Variants in FMNL2 observed in about 807,000 individuals in gnomAD.
FMNL2 encodes the protein formin-like protein 2.
A neutral mutation model predicts 130.2 loss-of-function variants in FMNL2; 51 were observed. The ratio of observed to expected loss-of-function variants is 0.39; its 90% CI spans 0.31 to 0.49. The LOEUF is 0.49. FMNL2 is among the 20% of genes least tolerant of loss of function. FMNL2 has a pLI of 0.85. For missense variants in FMNL2, 977 were observed against 1,316.2 expected, an observed-to-expected ratio of 0.74 and a Z score of 3.99; for synonymous variants, 465 against 467.1, an observed-to-expected ratio of 1.00 and a Z score of 0.06.
intron 25 of FMNL2, among the ~76,000 whole-genome samples, chr2:152,647,438 T>C (rs561888898): frequency 6.6e-6 from 1 of 152,324 alleles, no homozygotes; most frequent in East Asian, 1.9e-4. Context: ...AGTTACTATT[T>C]ATTCATTCAG....
intron 1 of FMNL2, among the ~76,000 whole-genome samples, chr2:152,479,887 T>C (rs1478133016): frequency 7.3e-6 from 1 of 137,396 alleles, no homozygotes; most frequent in Non-Finnish European, 1.7e-5. Flanking sequence ...ATTTTTTGTC[T>C]TTTTTTTTGG....
At chr2:152,588,239 C>G (rs1697194331) in intron 9 of FMNL2, among the ~76,000 whole-genome samples, 1 of 152,232 alleles carries the variant, frequency 6.6e-6, no homozygotes, top group Non-Finnish European at 1.5e-5. Flanking sequence ...CTTCCAGAGG[C>G]CACTTAGATT....
intron 4 of FMNL2, among the ~76,000 whole-genome samples, chr2:152,552,310 A>G (rs946702312): frequency 1.3e-5 from 2 of 152,190 alleles, no homozygotes; most frequent in East Asian, 3.8e-4. Flanking sequence ...TACATCTCTT[A>G]TATATATCTC....
intron 1 of FMNL2, among the ~76,000 whole-genome samples, chr2:152,396,766 G>A (rs985101432): frequency 1.3e-5 from 2 of 152,030 alleles, no homozygotes; most frequent in African/African-American, 2.4e-5. Flanking sequence ...ATGTTCTTTT[G>A]TCTTAAATTC....
In FMNL2 at chr2:152,603,622, C is replaced by T. The variant is rs186621544; in HGVS notation, c.877-3717C>T. ...GTGTTGCTTGTTCTATATTTGATGC[C>T]ATCTTTTAAAGTAACAGGCTATGAG... On this transcript the variant is annotated intron_variant, in intron 9 of 25. Coordinates refer to ENST00000288670, the MANE Select transcript of FMNL2 (RefSeq NM_052905.4). Among the ~76,000 whole-genome samples the T allele has an allele frequency of 3.3e-5, 5 of 150,834 alleles. 1 individual carries two copies. Among genetic ancestry groups the T allele is most frequent in the Non-Finnish European group, 7.4e-5 (5 of 67,704 alleles).
chr2:152,583,307 G>A (rs1053475900), intron 9 of FMNL2, among the ~76,000 whole-genome samples: 1 of 152,212 alleles, frequency 6.6e-6, no homozygotes, highest in African/African-American at 2.4e-5. Context: ...TGGGCTAGGG[G>A]AGGTCCTCAA....
intron 1 of FMNL2, among the ~76,000 whole-genome samples, chr2:152,362,317 G>GA (rs1339432718): frequency 1.3e-5 from 2 of 152,096 alleles, no homozygotes; most frequent in Non-Finnish European, 2.9e-5. Context: ...AAAGAGTGGT[G>GA]AAAAATAACA....
chr2:152,394,813 A>G (rs1486515163), intron 1 of FMNL2, among the ~76,000 whole-genome samples: 1 of 152,106 alleles, frequency 6.6e-6, no homozygotes, highest in African/African-American at 2.4e-5. Flanking sequence ...AGATTGGACA[A>G]GAACGATCTT....
rs559803169 is a variant in FMNL2 at position 152,572,799 on chromosome 2, T to G, written c.597-2337T>G. Among the ~76,000 whole-genome samples, 9 of 152,150 alleles carry G rather than the reference T, an allele frequency of 5.9e-5. No individual in the cohort carries two copies. The East Asian group carries it at 7.7e-4, about 13-fold the overall frequency. On this transcript the variant is annotated intron_variant, in intron 6 of 25. Transcript: ENST00000288670. ...TGGAGCTGAATTCAAAACCTGTTTT[T>G]TTTTTTTTTTAAAGTAGTCATTTAC...
chr2:152,603,250 G>T (rs1352427569), intron 9 of FMNL2, among the ~76,000 whole-genome samples: 2 of 152,074 alleles, frequency 1.3e-5, no homozygotes, highest in Non-Finnish European at 2.9e-5. Context: ...TGGTAGTAGG[G>T]GTCCTTCTAG....
intron 7 of FMNL2, 50 bp downstream of exon 7, chr2:152,575,294 T>G: frequency 1.6e-6 from 2 of 1,267,662 alleles, no homozygotes; most frequent in Non-Finnish European, 2.2e-6. Context: ...TTAATCAGAC[T>G]CAGAAATGAC....
chr2:152,572,797 T>G (rs977852598), intron 6 of FMNL2, among the ~76,000 whole-genome samples: 1 of 150,692 alleles, frequency 6.6e-6, no homozygotes, highest in Admixed American at 6.6e-5. Flanking sequence ...AAAACCTGTT[T>G]TTTTTTTTTT....
chr2:152,580,504 T>G (rs1696723120), intron 8 of FMNL2, among the ~76,000 whole-genome samples: 1 of 152,224 alleles, frequency 6.6e-6, no homozygotes, highest in Non-Finnish European at 1.5e-5. Context: ...ATTTGAAATG[T>G]AGAACATGAG....
chr2:152,403,133 A>G (rs949631793), intron 1 of FMNL2, among the ~76,000 whole-genome samples: 1 of 151,154 alleles, frequency 6.6e-6, no homozygotes, highest in African/African-American at 2.4e-5. Context: ...GTAAAGTGCC[A>G]TTTTCATCAC....
intron 8 of FMNL2, among the ~76,000 whole-genome samples, chr2:152,579,864 T>G (rs904279437): frequency 6.6e-6 from 1 of 152,260 alleles, no homozygotes; most frequent in Non-Finnish European, 1.5e-5. Flanking sequence ...TCCATTTTGG[T>G]GAAGTATTCT....
At chr2:152,620,400 G>C (rs991416312) in intron 15 of FMNL2, among the ~76,000 whole-genome samples, 3 of 152,194 alleles carry the variant, frequency 2.0e-5, no homozygotes, top group Admixed American at 6.5e-5. Flanking sequence ...GCAGGAGGAA[G>C]AGTCACTCTA....
chr2:152,440,003 G>C (rs1687972564), intron 1 of FMNL2, among the ~76,000 whole-genome samples: 1 of 151,820 alleles, frequency 6.6e-6, no homozygotes, highest in Admixed American at 6.6e-5. Flanking sequence ...ACTGCCAAGT[G>C]ACCTCTCTAC....
At chr2:152,604,875 C>T (rs563722120) in intron 9 of FMNL2, among the ~76,000 whole-genome samples, 10 of 152,198 alleles carry the variant, frequency 6.6e-5, no homozygotes, top group Middle Eastern at 3.4e-3. Flanking sequence ...GGATTACAGG[C>T]GAGAACCACC....
intron 3 of FMNL2, among the ~76,000 whole-genome samples, chr2:152,546,985 AC>A (rs1435792401): frequency 7.3e-6 from 1 of 137,864 alleles, no homozygotes; most frequent in Non-Finnish European, 1.5e-5. Flanking sequence ...TCGCTCTGTC[AC>A]CCCGGATGGA....
Sources: gnomAD v4.1 joint callset for allele counts (sites outside exome capture counted in the v4.1 genomes callset) on GRCh38, gnomAD v4.1.1 for gene constraint, MANE v1.5 for transcripts, NCBI Gene and HGNC (gene_info 2026-07-23, HGNC 2026-07-21) for gene names.